Variants in EPOP observed in about 807,000 individuals in gnomAD.
EPOP encodes elongin BC and Polycomb repressive complex 2-associated protein.
In EPOP, 14 loss-of-function variants were observed where a neutral mutation model predicts 18.2. The observed-to-expected ratio is 0.77, with a 90% confidence interval of 0.51 to 1.20. The LOEUF is 1.20. Ranked by LOEUF, EPOP falls within the 50% of genes most tolerant of loss-of-function variation. EPOP has a pLI of 0.00. For missense variants in EPOP, 527 were observed against 577.2 expected, an observed-to-expected ratio of 0.91 and a Z score of 0.89; for synonymous variants, 252 against 274.9, an observed-to-expected ratio of 0.92 and a Z score of 0.83.
At position 38,674,212 on chromosome 17, in the gene EPOP, C is replaced by T. The variant is rs1344215903; in HGVS notation, c.284G>A (p.Gly95Glu). Residue 95 changes from glycine to glutamate, a missense_variant, in exon 1 of 1, where the codon GGG (glycine) becomes GAG (glutamate). Gly to Glu is a moderately conservative substitution (Grantham distance 98). Transcript: ENST00000621654. This position sits in a 1 kb window ranked among gnomAD's most constrained non-coding sequence, Gnocchi z 4.5. ...DGLKHLWAPT[G>E]RPGVPNTAAG... ...GGCGGTGTTAGGAACGCCGGGCCGC[C>T]CGGTCGGTGCCCAGAGGTGCTTCAG... The T allele has an allele frequency of 4.9e-5, 69 of 1,414,708 alleles. No homozygotes were observed. Among genetic ancestry groups the T allele is most frequent in the Non-Finnish European group, 5.8e-5 (64 of 1,095,652 alleles). 87.6% of individuals were successfully genotyped at this position (1,414,708 alleles called of 1,614,324 possible).
In EPOP at chr17:38,674,646, C is replaced by G; in HGVS notation, c.-151G>C. 1.4e-6 allele frequency: 1 copy of G among 723,674 alleles called. No individual in the cohort carries two copies. Among genetic ancestry groups the G allele is most frequent in the Non-Finnish European group, 2.1e-6 (1 of 485,662 alleles). 44.8% of individuals were successfully genotyped at this position (723,674 alleles called of 1,614,324 possible). A position where few individuals can be genotyped will look rare whatever the true frequency, so the allele number is the denominator to read the frequency against. ...GCGCCCCCGGCCCGCCACCCGGGGC[C>G]GCAGAGCTCGGGCTCCCTCTTCGCT... On this transcript the variant is annotated 5_prime_UTR_variant, in exon 1 of 1. Coordinates refer to ENST00000621654, the MANE Select transcript of EPOP (RefSeq NM_001130677.2). This position sits in a 1 kb window ranked among gnomAD's most constrained non-coding sequence, Gnocchi z 4.5.
chr17:38,674,807 A>T lies in EPOP; in HGVS notation c.-312T>A. 4.6e-5 allele frequency: 10 copies of T among 217,346 alleles called. No homozygotes were observed. The highest frequency in any genetic ancestry group is 6.3e-5 in the Non-Finnish European group (7 of 110,822). 13.5% of individuals were successfully genotyped at this position (217,346 alleles called of 1,614,324 possible). Reference sequence around the variant, plus strand: ...CTCGAGTCGCCCGAAGCGCAGAGGCAGGGGAAACAAAGCGGCCGGCGGCCG... The same window carrying T: ...CTCGAGTCGCCCGAAGCGCAGAGGCTGGGGAAACAAAGCGGCCGGCGGCCG... On this transcript the variant is annotated 5_prime_UTR_variant, in exon 1 of 1. Coordinates refer to ENST00000621654, the MANE Select transcript of EPOP (RefSeq NM_001130677.2). This position sits in a 1 kb window ranked among gnomAD's most constrained non-coding sequence, Gnocchi z 4.5.
rs1022641882 is a variant in EPOP, at chr17:38,673,978, C to T, written c.518G>A (p.Ser173Asn). 1.4e-6 allele frequency: 2 copies of T among 1,397,550 alleles called. No homozygotes were observed. The highest frequency in any genetic ancestry group is 3.0e-5 in the African/African-American group (2 of 65,932). 86.6% of individuals were successfully genotyped at this position (1,397,550 alleles called of 1,614,324 possible). Reference sequence around the variant, plus strand: ...CCGGGAACTGGGTTCCTGAGGCGGGCTGGCGGCTGGGCCACGCTGAGGCTC... The same window carrying T: ...CCGGGAACTGGGTTCCTGAGGCGGGTTGGCGGCTGGGCCACGCTGAGGCTC... ...GLEPQRGPAA[S>N]PPQEPSSRPP... Residue 173 changes from serine (S) to asparagine (N), a missense_variant, in exon 1 of 1, where the codon AGC (serine) becomes AAC (asparagine). By Grantham distance (46) the Ser-to-Asn change is conservative (BLOSUM62 1). Transcript: ENST00000621654.
At position 38,674,134 on chromosome 17, in the gene EPOP, T is replaced by G; in HGVS notation, c.362A>C (p.Glu121Ala). 1 of 1,451,254 alleles carries G rather than the reference T, an allele frequency of 6.9e-7. No homozygotes were observed. The highest frequency in any genetic ancestry group is 1.5e-5 in the African/African-American group (1 of 67,132). 89.9% of individuals were successfully genotyped at this position (1,451,254 alleles called of 1,614,324 possible). ...GAAGTGCGGGAAACCGCCTCCGCCCTCTTCCTCCTCTCCGCGGCGGGGGCA... is the reference window on the plus strand; with the variant it reads ...GAAGTGCGGGAAACCGCCTCCGCCCGCTTCCTCCTCTCCGCGGCGGGGGCA... ...AACPRRGEEE[E>A]GGGGFPHFGV... The change falls in exon 1 of 1, where the codon GAG becomes GCG. Residue 121 changes from glutamate (E) to alanine (A), a missense_variant. Transcript: ENST00000621654. This position sits in a 1 kb window ranked among gnomAD's most constrained non-coding sequence, Gnocchi z 4.5.
chr17:38,672,974 A>C lies in EPOP; in HGVS notation c.*382T>G. The C allele has an allele frequency of 5.6e-6, 1 of 178,494 alleles. No homozygotes were observed. The highest frequency in any genetic ancestry group is 1.2e-5 in the Non-Finnish European group (1 of 86,070). The allele number at this position is 178,494 out of a possible 1,614,324, so 11.1% of individuals were successfully genotyped here. A position where few individuals can be genotyped will look rare whatever the true frequency, so the allele number is the denominator to read the frequency against. On this transcript the variant is annotated 3_prime_UTR_variant, in exon 1 of 1. Coordinates refer to ENST00000621654, the MANE Select transcript of EPOP (RefSeq NM_001130677.2). The stretch of plus-strand genomic sequence containing the variant: ...CAGGCTCGCCCACAGACACAGTAAC[A>C]ACCGGTTTGTCCATCACCGAGGTCT...
chr17:38,673,594 C>A lies in EPOP; in HGVS notation c.902G>T (p.Arg301Leu). The change falls in exon 1 of 1, where the codon CGC becomes CTC. Residue 301 changes from arginine to leucine, a missense_variant. Coordinates refer to ENST00000621654, the MANE Select transcript of EPOP (RefSeq NM_001130677.2). ...GGTGGGGAGCGTCGGTGCAGGGCGG[C>A]GGGGCTGCGCGGTGCGCGGAGGGGG... is the stretch of plus-strand genomic sequence containing the variant. ...PAPPPRTAQP[R>L]RPAPTLPTTS... The A allele has an allele frequency of 5.4e-6, 8 of 1,469,544 alleles. No homozygotes were observed. The highest frequency in any genetic ancestry group is 7.2e-6 in the Non-Finnish European group (8 of 1,115,466). The allele number at this position is 1,469,544 out of a possible 1,614,324, so 91.0% of individuals were successfully genotyped here.
Position 38,674,539 on chromosome 17 carries a change from C to T in EPOP, c.-44G>A. On this transcript the variant is annotated 5_prime_UTR_variant, in exon 1 of 1. Coordinates refer to ENST00000621654, the MANE Select transcript of EPOP (RefSeq NM_001130677.2). This position sits in a 1 kb window ranked among gnomAD's most constrained non-coding sequence, Gnocchi z 4.5. ...CCCACTGAGCGGGTCCAGGTCCCAG[C>T]GGCGGGATGCCCTGGCTGCCCGAAG... is the stretch of plus-strand genomic sequence containing the variant. 2 of 1,442,892 alleles carry T rather than the reference C, an allele frequency of 1.4e-6. No individual in the cohort carries two copies. The highest frequency in any genetic ancestry group is 1.8e-6 in the Non-Finnish European group (2 of 1,099,960). 89.4% of individuals were successfully genotyped at this position (1,442,892 alleles called of 1,614,324 possible).
Position 38,673,391 on chromosome 17 carries a change from G to A in EPOP, c.1105C>T (p.Leu369Phe). ...GGPAVPEPPG[L>F]KFWGINMDES ...TCCATGTTGATCCCCCAGAATTTGA[G>A]GCCAGGGGGCTCAGGGACAGCGGGA... Residue 369 changes from leucine to phenylalanine, a missense_variant, in exon 1 of 1, where the codon CTC becomes TTC. Leu to Phe is a conservative substitution (Grantham distance 22, BLOSUM62 0). Coordinates refer to ENST00000621654, the MANE Select transcript of EPOP (RefSeq NM_001130677.2). 6.6e-7 allele frequency: 1 copy of A among 1,524,400 alleles called. No individual in the cohort carries two copies. Among genetic ancestry groups the A allele is most frequent in the Non-Finnish European group, 8.8e-7 (1 of 1,136,066 alleles). The allele number at this position is 1,524,400 out of a possible 1,614,324, so 94.4% of individuals were successfully genotyped here.
chr17:38,674,064 C>A lies in EPOP; in HGVS notation c.432G>T (p.Pro144=). The A allele has an allele frequency of 1.4e-6, 2 of 1,401,984 alleles. No homozygotes were observed. Among genetic ancestry groups the A allele is most frequent in the Non-Finnish European group, 1.8e-6 (2 of 1,087,398 alleles). 86.8% of individuals were successfully genotyped at this position (1,401,984 alleles called of 1,614,324 possible). A position where few individuals can be genotyped will look rare whatever the true frequency, so the allele number is the denominator to read the frequency against. Residue 144 remains proline (P), a synonymous_variant, in exon 1 of 1, where the codon CCG becomes CCT. Coordinates refer to ENST00000621654, the MANE Select transcript of EPOP (RefSeq NM_001130677.2). This position sits in a 1 kb window ranked among gnomAD's most constrained non-coding sequence, Gnocchi z 4.5. ...CAPPGRCPAP[P]HPRESTTSFA... is the part of the protein sequence containing the mutation. ...AGCTGGTCGTAGATTCCCGAGGGTGCGGGGGCGCAGGGCAGCGGCCCGGAG... is the reference window on the plus strand; with the variant it reads ...AGCTGGTCGTAGATTCCCGAGGGTGAGGGGGCGCAGGGCAGCGGCCCGGAG...
rs1911052487 is a variant in EPOP, at chr17:38,674,286, C to T, written c.210G>A (p.Leu70=). The T allele has an allele frequency of 1.3e-6, 2 of 1,505,588 alleles. No individual in the cohort carries two copies. Among genetic ancestry groups the T allele is most frequent in the Non-Finnish European group, 1.8e-6 (2 of 1,134,304 alleles). 93.3% of individuals were successfully genotyped at this position (1,505,588 alleles called of 1,614,324 possible). ...GGCGCAGGGGGGCCTGAGGGCCCCG[C>T]AGCACTGGGGACCGCGCCGCCAGCT... ...PGELAARSPV[L]RGPQAPLRPG... is the part of the protein sequence containing the mutation. Residue 70 remains leucine, a synonymous_variant, in exon 1 of 1, where the codon CTG becomes CTA. Transcript: ENST00000621654. The surrounding 1 kb of genome is among the most constrained non-coding windows in gnomAD (Gnocchi z 4.5).
Position 38,674,803 on chromosome 17 carries a change from A to T in EPOP, c.-308T>A. Reference sequence around the variant, plus strand: ...CCCTCTCGAGTCGCCCGAAGCGCAGAGGCAGGGGAAACAAAGCGGCCGGCG... The same window carrying T: ...CCCTCTCGAGTCGCCCGAAGCGCAGTGGCAGGGGAAACAAAGCGGCCGGCG... On this transcript the variant is annotated 5_prime_UTR_variant, in exon 1 of 1. Transcript: ENST00000621654. The surrounding 1 kb of genome is among the most constrained non-coding windows in gnomAD (Gnocchi z 4.5). 8.3e-6 allele frequency: 2 copies of T among 241,202 alleles called. No homozygotes were observed. The highest frequency in any genetic ancestry group is 1.6e-5 in the Non-Finnish European group (2 of 126,120). 14.9% of individuals were successfully genotyped at this position (241,202 alleles called of 1,614,324 possible).
Position 38,673,853 on chromosome 17 carries a change from G to C in EPOP, c.643C>G (p.Pro215Ala). The change falls in exon 1 of 1, where the codon CCC becomes GCC. Residue 215 changes from proline (P) to alanine (A), a missense_variant. Transcript: ENST00000621654. Reference protein sequence around the residue: ...PGQPAEVDGNPPPAAPEAPAA... With the variant: ...PGQPAEVDGNAPPAAPEAPAA... Reference sequence around the variant, plus strand: ...GGAGCCTCGGGGGCGGCCGGCGGGGGGTTTCCATCGACTTCGGCAGGCTGG... The same window carrying C: ...GGAGCCTCGGGGGCGGCCGGCGGGGCGTTTCCATCGACTTCGGCAGGCTGG... 6.8e-7 allele frequency: 1 copy of C among 1,474,062 alleles called. No homozygotes were observed. The highest frequency in any genetic ancestry group is 9.0e-7 in the Non-Finnish European group (1 of 1,112,532). The allele number at this position is 1,474,062 out of a possible 1,614,324, so 91.3% of individuals were successfully genotyped here.
chr17:38,673,800 CGGGCTGGCCGTCGAG>C lies in EPOP; in HGVS notation c.681_695del (p.Ser228_Pro232del). The C allele has an allele frequency of 6.6e-7, 1 of 1,512,500 alleles. No homozygotes were observed. The highest frequency in any genetic ancestry group is 8.8e-7 in the Non-Finnish European group (1 of 1,130,984). 93.7% of individuals were successfully genotyped at this position (1,512,500 alleles called of 1,614,324 possible). A position where few individuals can be genotyped will look rare whatever the true frequency, so the allele number is the denominator to read the frequency against. Reference sequence around the variant, plus strand: ...GGAGATCTCCGGGTGCGGCCGGAGCCGGGCTGGCCGTCGAGGGGCTGGCCGCTGGAGCCTCGGGGG... The same window carrying C: ...GGAGATCTCCGGGTGCGGCCGGAGCCGGGCTGGCCGCTGGAGCCTCGGGGG... On this transcript the variant is annotated inframe_deletion, in exon 1 of 1. Transcript: ENST00000621654.
chr17:38,673,250 T>C lies in EPOP; in HGVS notation c.*106A>G. The C allele has an allele frequency of 7.1e-7, 1 of 1,417,400 alleles. No homozygotes were observed. The highest frequency in any genetic ancestry group is 9.2e-7 in the Non-Finnish European group (1 of 1,083,458). 87.8% of individuals were successfully genotyped at this position (1,417,400 alleles called of 1,614,324 possible). A position where few individuals can be genotyped will look rare whatever the true frequency, so the allele number is the denominator to read the frequency against. ...TTATTTAGGTCCCTCTGCCCACAGC[T>C]CCTAAAATGTAAAGGAAGGGGACAA... On this transcript the variant is annotated 3_prime_UTR_variant, in exon 1 of 1. Coordinates refer to ENST00000621654, the MANE Select transcript of EPOP (RefSeq NM_001130677.2).
At position 38,673,836 on chromosome 17, in the gene EPOP, G is replaced by C; in HGVS notation, c.660C>G (p.Pro220=). The change falls in exon 1 of 1, where the codon CCC becomes CCG. Residue 220 remains proline, a synonymous_variant. Transcript: ENST00000621654. ...EVDGNPPPAA[P]EAPAASPSTA... ...TCGAGGGGCTGGCCGCTGGAGCCTC[G>C]GGGGCGGCCGGCGGGGGGTTTCCAT... 1 of 1,490,104 alleles carries C rather than the reference G, an allele frequency of 6.7e-7. No individual in the cohort carries two copies. Among genetic ancestry groups the C allele is most frequent in the South Asian group, 1.3e-5 (1 of 77,994 alleles). The allele number at this position is 1,490,104 out of a possible 1,614,324, so 92.3% of individuals were successfully genotyped here.
Position 38,673,114 on chromosome 17 carries a change from T to C in EPOP, c.*242A>G. 1 of 540,000 alleles carries C rather than the reference T, an allele frequency of 1.9e-6. No individual in the cohort carries two copies. The allele number at this position is 540,000 out of a possible 1,614,324, so 33.5% of individuals were successfully genotyped here. On this transcript the variant is annotated 3_prime_UTR_variant, in exon 1 of 1. Transcript: ENST00000621654. ...GTCCGAGATGGAAGGAGGCAGGGAT[T>C]GGAATCTATGTCATCAGCCTTCTCC...
Position 38,672,370 on chromosome 17 carries a change from A to G in EPOP, c.*986T>C, listed in dbSNP as rs967419817. The stretch of plus-strand genomic sequence containing the variant: ...TTAAGGGGGCTGAGTTTGGGTGTCC[A>G]AAGAATGGACTTGGGCCTGCCTTCC... On this transcript the variant is annotated 3_prime_UTR_variant, in exon 1 of 1. Coordinates refer to ENST00000621654, the MANE Select transcript of EPOP (RefSeq NM_001130677.2). 1 of 152,236 alleles carries G rather than the reference A, an allele frequency of 6.6e-6. No homozygotes were observed. Among genetic ancestry groups the G allele is most frequent in the Non-Finnish European group, 1.5e-5 (1 of 68,066 alleles). The allele number at this position is 152,236 out of a possible 1,614,324, so 9.4% of individuals were successfully genotyped here. A position where few individuals can be genotyped will look rare whatever the true frequency, so the allele number is the denominator to read the frequency against.
chr17:38,673,543 C>T lies in EPOP; in HGVS notation c.953G>A (p.Cys318Tyr). The change falls in exon 1 of 1, where the codon TGC becomes TAC. Residue 318 changes from cysteine to tyrosine, a missense_variant. Physicochemically the swap from Cys to Tyr is radical, Grantham distance 194 (BLOSUM62 -2). Transcript: ENST00000621654. ...PTTSTFSLLN[C>Y]FPCPPALVVG... ...CACCAGGGCCGGGGGGCAGGGGAAG[C>T]AGTTGAGGAGGCTGAAGGTGCTCGT... 1.3e-6 allele frequency: 2 copies of T among 1,510,252 alleles called. No homozygotes were observed. The highest frequency in any genetic ancestry group is 1.8e-6 in the Non-Finnish European group (2 of 1,128,274). The allele number at this position is 1,510,252 out of a possible 1,614,324, so 93.6% of individuals were successfully genotyped here. A position where few individuals can be genotyped will look rare whatever the true frequency, so the allele number is the denominator to read the frequency against.
Position 38,674,341 on chromosome 17 carries a change from C to T in EPOP, c.155G>A (p.Arg52Gln), listed in dbSNP as rs939617129. The change falls in exon 1 of 1, where the codon CGG becomes CAG. Residue 52 changes from arginine (R) to glutamine (Q), a missense_variant. Coordinates refer to ENST00000621654, the MANE Select transcript of EPOP (RefSeq NM_001130677.2). The surrounding 1 kb of genome is among the most constrained non-coding windows in gnomAD (Gnocchi z 4.5). The stretch of plus-strand genomic sequence containing the variant: ...AGGCCCCGGGCCCAGAGAGGACGCC[C>T]GGGGCTTGGCAAGGGCGCAGAAGGC... ...ALAFCALAKP[R>Q]ASSLGPGPGE... The T allele has an allele frequency of 1.4e-5, 22 of 1,539,836 alleles. No homozygotes were observed. Among genetic ancestry groups the T allele is most frequent in the Admixed American group, 3.9e-5 (2 of 50,844 alleles).
Sources: gnomAD v4.1 joint callset for allele counts on GRCh38, gnomAD v4.1.1 for gene constraint, Gnocchi (gnomAD v3.1) non-coding constraint, MANE v1.5 for transcripts, NCBI Gene and HGNC (gene_info 2026-07-23, HGNC 2026-07-21) for gene names.